The following CTNNA3 variants were observed in gnomAD, a reference collection of about 807,000 sequenced individuals.
CTNNA3 encodes catenin alpha-3.
Under a neutral mutation model 95.7 loss-of-function variants are expected in CTNNA3, and 76 were observed. The observed-to-expected ratio is 0.79, with a 90% CI of 0.66 to 0.96. The LOEUF is 0.96. Among genes scored for constraint, CTNNA3 ranks in the 40% least tolerant of loss-of-function variants. The pLI is 0.00. For synonymous variants in CTNNA3, 431 were observed against 374.4 expected (o/e 1.15, Z -1.74); for missense variants, 1,191 against 1,089.8 (o/e 1.09, Z -1.31).
At chr10:66,670,273 T>C (rs1312435721) in intron 9 of CTNNA3, among the ~76,000 whole-genome samples, 3 of 152,274 alleles carry the variant, frequency 2.0e-5, no homozygotes, top group Admixed American at 2.0e-4. Context: ...GTTCAGCTGA[T>C]TCCTGGGGTC....
At chr10:66,161,724 C>T (rs2084858861) in intron 13 of CTNNA3, among the ~76,000 whole-genome samples, 1 of 152,148 alleles carries the variant, frequency 6.6e-6, no homozygotes. Context: ...CTTTGTGCTT[C>T]TTGTATTTGG....
At chr10:67,234,057 G>A (rs1207156355) in intron 5 of CTNNA3, among the ~76,000 whole-genome samples, 2 of 152,178 alleles carry the variant, frequency 1.3e-5, no homozygotes, top group African/African-American at 4.8e-5. Flanking sequence ...GGACCAGCTG[G>A]ATTCACAGCC....
At chr10:67,101,279 T>G (rs932432738) in intron 7 of CTNNA3, among the ~76,000 whole-genome samples, 2 of 151,650 alleles carry the variant, frequency 1.3e-5, no homozygotes, top group Non-Finnish European at 3.0e-5. Flanking sequence ...ATAAAAGAGA[T>G]CCATAGTACA....
chr10:67,171,984 T>C (rs1862041726), intron 7 of CTNNA3, among the ~76,000 whole-genome samples: 1 of 152,136 alleles, frequency 6.6e-6, no homozygotes, highest in Admixed American at 6.6e-5. Context: ...CTTAGTCTCA[T>C]ATCCTTCCTT....
At chr10:66,917,928 G>C (rs1846580715) in intron 7 of CTNNA3, among the ~76,000 whole-genome samples, 1 of 152,162 alleles carries the variant, frequency 6.6e-6, no homozygotes, top group Non-Finnish European at 1.5e-5. Flanking sequence ...ATTTGGTTAA[G>C]AGGTTTTTAT....
At chr10:66,562,282 T>C (rs1463862911) in intron 10 of CTNNA3, among the ~76,000 whole-genome samples, 1 of 152,094 alleles carries the variant, frequency 6.6e-6, no homozygotes, top group Non-Finnish European at 1.5e-5. Context: ...ACATTCTCTT[T>C]AATCCTTATT....
chr10:66,912,272 G>A (rs987741157), intron 7 of CTNNA3, among the ~76,000 whole-genome samples: 3 of 152,050 alleles, frequency 2.0e-5, no homozygotes, highest in East Asian at 3.9e-4. Flanking sequence ...AGGTTTTCTA[G>A]TTTTTTACTA....
intron 1 of CTNNA3, among the ~76,000 whole-genome samples, chr10:67,651,336 G>T (rs1023387464): frequency 1.3e-5 from 2 of 151,992 alleles, no homozygotes; most frequent in Non-Finnish European, 2.9e-5. Context: ...TTAAACAAAT[G>T]ATTTTTATTT....
At chr10:67,213,195 A>T (rs1008167300) in intron 6 of CTNNA3, among the ~76,000 whole-genome samples, 2 of 151,560 alleles carry the variant, frequency 1.3e-5, no homozygotes, top group African/African-American at 4.8e-5. Context: ...ATTTCATCCA[A>T]ATTTTCATTT....
At chr10:67,520,780 C>G (rs183219436) in intron 5 of CTNNA3, among the ~76,000 whole-genome samples, 1 of 152,242 alleles carries the variant, frequency 6.6e-6, no homozygotes, top group African/African-American at 2.4e-5. Flanking sequence ...ACCTAGAACA[C>G]AATTCTCTTT....
chr10:67,475,204 CA>C (rs1469304813), intron 5 of CTNNA3, among the ~76,000 whole-genome samples: 1 of 152,094 alleles, frequency 6.6e-6, no homozygotes, highest in Non-Finnish European at 1.5e-5. Flanking sequence ...ATTTATGTAA[CA>C]TTCTGAAAAA....
chr10:67,545,879 C>T (rs1003268111), intron 3 of CTNNA3, among the ~76,000 whole-genome samples: 4 of 152,110 alleles, frequency 2.6e-5, no homozygotes, highest in African/African-American at 9.7e-5. Context: ...CTGGAAATAA[C>T]TTTCAGTCAC....
At chr10:67,136,045 A>AT (rs1328365631) in intron 7 of CTNNA3, among the ~76,000 whole-genome samples, 4 of 152,030 alleles carry the variant, frequency 2.6e-5, no homozygotes, top group Non-Finnish European at 2.9e-5. Flanking sequence ...CTTTTCCTTT[A>AT]TTTTTTATTT....
intron 2 of CTNNA3, among the ~76,000 whole-genome samples, chr10:67,621,974 T>C (rs1430235630): frequency 6.6e-6 from 1 of 152,216 alleles, no homozygotes; most frequent in Non-Finnish European, 1.5e-5. Context: ...AGAGACGCTA[T>C]GGTCCCCAAA....
chr10:66,449,147 A>G (rs2093445167), intron 11 of CTNNA3, among the ~76,000 whole-genome samples: 1 of 152,180 alleles, frequency 6.6e-6, no homozygotes, highest in African/African-American at 2.4e-5. Context: ...ATGCTTAAAA[A>G]AATGAGGAAA....
In CTNNA3 at chr10:67,708,755, A is replaced by T. The variant is rs1841091266; in HGVS notation, c.-2+54679T>A. Among the ~76,000 whole-genome samples, 4 of 152,150 alleles carry T rather than the reference A, an allele frequency of 2.6e-5. No individual in the cohort carries two copies. In the South Asian group the frequency reaches 8.3e-4, roughly 32 times the overall value. On this transcript the variant is annotated intron_variant, in intron 1 of 17. Transcript: ENST00000684154. Reference sequence around the variant, plus strand: ...ATAATTGTAGTTGTTTCACTCAGAGAAATTCAGTGAGCTATGTCTCTGTAG... The same window carrying T: ...ATAATTGTAGTTGTTTCACTCAGAGTAATTCAGTGAGCTATGTCTCTGTAG...
intron 11 of CTNNA3, among the ~76,000 whole-genome samples, chr10:66,498,912 T>C (rs1322505082): frequency 6.6e-6 from 1 of 152,192 alleles, no homozygotes; most frequent in Non-Finnish European, 1.5e-5. Context: ...TTGCCCTTGA[T>C]CACTTTGGAC....
chr10:66,204,531 C>T (rs1488823531), intron 13 of CTNNA3, among the ~76,000 whole-genome samples: 1 of 152,084 alleles, frequency 6.6e-6, no homozygotes, highest in Non-Finnish European at 1.5e-5. Context: ...TACAAATGTC[C>T]TCCAAGATTC....
chr10:67,485,609 G>T (rs1366023810), intron 5 of CTNNA3, among the ~76,000 whole-genome samples: 3 of 152,182 alleles, frequency 2.0e-5, no homozygotes, highest in African/African-American at 7.2e-5. Context: ...TAACACAGTG[G>T]AAGTTAGACC....
Sources: allele counts gnomAD v4.1 joint callset (sites outside exome capture counted in the v4.1 genomes callset), GRCh38; gene constraint gnomAD v4.1.1; transcripts MANE v1.5; gene names NCBI Gene and HGNC (gene_info 2026-07-23, HGNC 2026-07-21).